The following ZFYVE9 variants were observed in gnomAD, a reference collection of about 807,000 sequenced individuals.
ZFYVE9 encodes zinc finger FYVE domain-containing protein 9.
ZFYVE9 carries 43 observed loss-of-function variants against 126.7 expected under a neutral mutation model. The observed-to-expected ratio is 0.34, with a 90% CI of 0.27 to 0.44. ZFYVE9 has a LOEUF of 0.44. Among genes scored for constraint, ZFYVE9 ranks in the 20% least tolerant of loss-of-function variants. The pLI is 1.00. For synonymous variants in ZFYVE9, 521 were observed against 597.4 expected (o/e 0.87, Z 1.87); for missense variants, 1,476 against 1,697.0 (o/e 0.87, Z 2.29).
At chr1:52,177,092 G>A (rs1269145332) in intron 1 of ZFYVE9, among the ~76,000 whole-genome samples, 14 of 151,714 alleles carry the variant, frequency 9.2e-5, no homozygotes, top group African/African-American at 2.4e-4. Context: ...CGTCGCTCAC[G>A]CTGGGAGCTG....
intron 1 of ZFYVE9, chr1:52,179,975 A>G: frequency 2.1e-6 from 2 of 953,648 alleles, no homozygotes; most frequent in Non-Finnish European, 3.4e-6. Context: ...TCGTGACAAC[A>G]TAGGAAGATA....
intron 4 of ZFYVE9, among the ~76,000 whole-genome samples, chr1:52,250,178 G>A (rs953572636): frequency 2.6e-5 from 4 of 152,110 alleles, no homozygotes; most frequent in Admixed American, 6.6e-5. Flanking sequence ...TAGAGATTGC[G>A]TTGAATCTGT....
chr1:52,270,453 AT>A (rs1282352964), intron 7 of ZFYVE9, among the ~76,000 whole-genome samples: 1 of 152,022 alleles, frequency 6.6e-6, no homozygotes, highest in Admixed American at 6.6e-5. Flanking sequence ...TTTAGTAGAG[AT>A]GGGGTTTCAC....
intron 13 of ZFYVE9, among the ~76,000 whole-genome samples, chr1:52,329,012 A>G (rs1364041781): frequency 1.3e-5 from 2 of 152,226 alleles, no homozygotes; most frequent in Non-Finnish European, 2.9e-5. Context: ...CCAAGGAAGT[A>G]AAAGACTTGT....
intron 12 of ZFYVE9, among the ~76,000 whole-genome samples, chr1:52,301,252 C>T: frequency 7.1e-6 from 1 of 141,662 alleles, no homozygotes; most frequent in Non-Finnish European, 1.5e-5. Flanking sequence ...CTCTACATAA[C>T]AATTTTTTCT....
In ZFYVE9 at chr1:52,239,465, G is replaced by A; in HGVS notation, c.2048G>A (p.Arg683Lys). The change falls in exon 4 of 19, where the codon AGA becomes AAA. Residue 683 changes from arginine to lysine, a missense_variant. Physicochemically the swap from Arg to Lys is conservative, Grantham distance 26. Coordinates refer to ENST00000287727, the MANE Select transcript of ZFYVE9 (RefSeq NM_004799.4). ...LRAGQFGISARKPFTTLGEVA... is the reference protein window; with the variant it reads ...LRAGQFGISAKKPFTTLGEVA... Reference sequence around the variant, plus strand: ...GCTGGTCAGTTTGGAATTTCTGCCAGAAAGCCATTCACCACTCTGGGTGAG... The same window carrying A: ...GCTGGTCAGTTTGGAATTTCTGCCAAAAAGCCATTCACCACTCTGGGTGAG... 6.2e-7 allele frequency: 1 copy of A among 1,614,152 alleles called. No homozygotes were observed. The highest frequency in any genetic ancestry group is 8.5e-7 in the Non-Finnish European group (1 of 1,180,016).
chr1:52,181,552 G>T (rs1317132017), intron 1 of ZFYVE9, among the ~76,000 whole-genome samples: 1 of 150,228 alleles, frequency 6.7e-6, no homozygotes, highest in South Asian at 2.1e-4. Context: ...CCATCGTCTG[G>T]GATGTGAGGA....
At chr1:52,261,397 C>G (rs2147794766) in intron 4 of ZFYVE9, among the ~76,000 whole-genome samples, 1 of 152,116 alleles carries the variant, frequency 6.6e-6, no homozygotes, top group African/African-American at 2.4e-5. Flanking sequence ...TCCTCTATGC[C>G]CAGCCTTGTG....
At chr1:52,343,734 C>T (rs569747107) in intron 17 of ZFYVE9, among the ~76,000 whole-genome samples, 4 of 147,332 alleles carry the variant, frequency 2.7e-5, no homozygotes, top group East Asian at 2.0e-4. Flanking sequence ...CCAGCCTGGG[C>T]GGTGGGCAAC....
At chr1:52,217,607 G>A (rs1645084373) in intron 2 of ZFYVE9, among the ~76,000 whole-genome samples, 2 of 152,166 alleles carry the variant, frequency 1.3e-5, no homozygotes, top group South Asian at 2.1e-4. Flanking sequence ...TACAGCAACC[G>A]ACAAGGATGA....
intron 2 of ZFYVE9, among the ~76,000 whole-genome samples, chr1:52,232,664 G>A (rs1645234216): frequency 7.0e-6 from 1 of 143,272 alleles, no homozygotes; most frequent in Admixed American, 7.1e-5. Context: ...GGAGGCAGAG[G>A]TTGCAGTGAG....
At chr1:52,277,251 T>G (rs1359114504) in intron 8 of ZFYVE9, among the ~76,000 whole-genome samples, 1 of 152,096 alleles carries the variant, frequency 6.6e-6, no homozygotes, top group African/African-American at 2.4e-5. Flanking sequence ...TATCTATTGT[T>G]AGTAAAATTG....
intron 4 of ZFYVE9, chr1:52,253,886 A>T: frequency 1.7e-6 from 2 of 1,154,878 alleles, no homozygotes; most frequent in Non-Finnish European, 2.6e-6. Context: ...GATGAAAGCT[A>T]TACTCCAAGC....
chr1:52,329,742 A>G (rs1376432526), intron 13 of ZFYVE9, among the ~76,000 whole-genome samples: 1 of 151,960 alleles, frequency 6.6e-6, no homozygotes, highest in Non-Finnish European at 1.5e-5. Flanking sequence ...CGTCTCTACT[A>G]AAAATACAAA....
chr1:52,228,288 C>T (rs2124614538), intron 2 of ZFYVE9, among the ~76,000 whole-genome samples: 1 of 152,198 alleles, frequency 6.6e-6, no homozygotes, highest in African/African-American at 2.4e-5. Context: ...CTATGTTGTC[C>T]AGGCTGATCT....
chr1:52,264,042 AT>A, intron 5 of ZFYVE9, 170 bp downstream of exon 5: 1 of 401,530 alleles, frequency 2.5e-6, no homozygotes, highest in South Asian at 6.3e-5. Flanking sequence ...GTATCTTAGC[AT>A]TTCAGAATTC....
Position 52,346,373 on chromosome 1 carries a change from G to A in ZFYVE9, c.*152G>A. On this transcript the variant is annotated 3_prime_UTR_variant, in exon 19 of 19. Coordinates refer to ENST00000287727, the MANE Select transcript of ZFYVE9 (RefSeq NM_004799.4). ...GGAGTGGGGGTTTGGGAGACGGGTGGGAAAGGGTGGTTGGGGGGACCGATG... is the reference window on the plus strand; with the variant it reads ...GGAGTGGGGGTTTGGGAGACGGGTGAGAAAGGGTGGTTGGGGGGACCGATG... The A allele has an allele frequency of 1.3e-6, 1 of 792,536 alleles. No homozygotes were observed. Among genetic ancestry groups the A allele is most frequent in the Non-Finnish European group, 1.8e-6 (1 of 547,968 alleles). 49.1% of individuals were successfully genotyped at this position (792,536 alleles called of 1,614,324 possible).
chr1:52,308,016 T>G (rs1646101956), intron 13 of ZFYVE9, among the ~76,000 whole-genome samples: 1 of 152,178 alleles, frequency 6.6e-6, no homozygotes, highest in African/African-American at 2.4e-5. Flanking sequence ...CCTCCCAAAG[T>G]GCTGGGATTA....
rs75887367 is a variant in ZFYVE9 at position 52,168,934 on chromosome 1, C to T, written c.-143+26531C>T. On this transcript the variant is annotated intron_variant, in intron 1 of 18. Transcript: ENST00000287727. Reference sequence around the variant, plus strand: ...TGGCAGTTGGCCGACCCTAATCTGACCCCCCTGGAAACTCCTTTCCTATCA... The same window carrying T: ...TGGCAGTTGGCCGACCCTAATCTGATCCCCCTGGAAACTCCTTTCCTATCA... Among the ~76,000 whole-genome samples the T allele has an allele frequency of 4.8e-3, 735 of 152,174 alleles. 6 individuals carry two copies. Among genetic ancestry groups the T allele is most frequent in the African/African-American group, 0.017 (704 of 41,530 alleles).
Sources: allele counts gnomAD v4.1 joint callset (sites outside exome capture counted in the v4.1 genomes callset), GRCh38; gene constraint gnomAD v4.1.1; transcripts MANE v1.5; gene names NCBI Gene and HGNC (gene_info 2026-07-23, HGNC 2026-07-21).